The following CHST9 variants were observed in gnomAD, a reference collection of about 807,000 sequenced individuals.
CHST9 encodes the protein GalNAc-4-sulfotransferase 2.
Under a neutral mutation model 44.4 loss-of-function variants are expected in CHST9, and 41 were observed. The observed-to-expected ratio is 0.92, with a 90% confidence interval of 0.72 to 1.20. The LOEUF is 1.20. CHST9 is among the 50% of genes most tolerant of loss of function. CHST9 has a pLI of 0.00. For synonymous variants in CHST9, 171 were observed against 178.4 expected (o/e 0.96, Z 0.33); for missense variants, 504 against 516.5 (o/e 0.98, Z 0.23).
chr18:27,090,474 G>T (rs1051687764), intron 2 of CHST9, among the ~76,000 whole-genome samples: 13 of 152,176 alleles, frequency 8.5e-5, no homozygotes, highest in African/African-American at 2.9e-4. Context: ...GTCCATTTTG[G>T]CTTCTATTGC....
intron 2 of CHST9, among the ~76,000 whole-genome samples, chr18:27,141,085 A>G (rs2058560447): frequency 6.6e-6 from 1 of 152,106 alleles, no homozygotes; most frequent in Admixed American, 6.5e-5. Flanking sequence ...TGGGCGGGGC[A>G]CGGTGGCTCA....
intron 2 of CHST9, among the ~76,000 whole-genome samples, chr18:27,131,245 A>T (rs1242039074): frequency 2.0e-5 from 3 of 152,154 alleles, no homozygotes; most frequent in Non-Finnish European, 4.4e-5. Flanking sequence ...GACCCCAGAG[A>T]AACCTTCAAT....
At chr18:27,109,248 G>A (rs757398179) in intron 2 of CHST9, among the ~76,000 whole-genome samples, 6 of 152,180 alleles carry the variant, frequency 3.9e-5, no homozygotes, top group African/African-American at 7.2e-5. Flanking sequence ...GGGAGCTGGC[G>A]CATAAGTTAA....
At chr18:27,046,590 T>G (rs1348688910) in intron 3 of CHST9, among the ~76,000 whole-genome samples, 1 of 151,974 alleles carries the variant, frequency 6.6e-6, no homozygotes, top group African/African-American at 2.4e-5. Context: ...GTTCCCATGA[T>G]GTTTTTGGTA....
intron 2 of CHST9, among the ~76,000 whole-genome samples, chr18:27,063,898 C>T (rs1387853093): frequency 2.0e-5 from 3 of 151,820 alleles, no homozygotes; most frequent in African/African-American, 2.4e-5. Flanking sequence ...TGGGAGGCCA[C>T]GAGGGCTGTA....
rs148907943 is a variant in CHST9, at chr18:26,931,458, G to A, written c.240+12871C>T. Among the ~76,000 whole-genome samples the A allele has an allele frequency of 3.2e-3, 484 of 152,316 alleles. 3 individuals are homozygous for A. The highest frequency in any genetic ancestry group is 0.011 in the African/African-American group (468 of 41,564). On this transcript the variant is annotated intron_variant, in intron 5 of 5. Coordinates refer to ENST00000618847, the MANE Select transcript of CHST9 (RefSeq NM_031422.6). Reference sequence around the variant, plus strand: ...TAGCAAGTTGAAAGTGTATGGATTTGGGTACCATTCATCTGTAAAAACCAA... The same window carrying A: ...TAGCAAGTTGAAAGTGTATGGATTTAGGTACCATTCATCTGTAAAAACCAA...
intron 3 of CHST9, among the ~76,000 whole-genome samples, chr18:27,030,044 A>G (rs2057324521): frequency 6.6e-6 from 1 of 152,232 alleles, no homozygotes; most frequent in Admixed American, 6.5e-5. Context: ...TTAGGTATTA[A>G]TGATTTCAGT....
intron 4 of CHST9, among the ~76,000 whole-genome samples, chr18:26,995,303 T>C (rs953441913): frequency 5.0e-5 from 7 of 138,778 alleles, no homozygotes; most frequent in African/African-American, 1.9e-4. Flanking sequence ...CTGGGCGTGG[T>C]GGTGGGCGCC....
chr18:26,930,504 T>C (rs2055857728), intron 5 of CHST9, among the ~76,000 whole-genome samples: 1 of 152,210 alleles, frequency 6.6e-6, no homozygotes, highest in Non-Finnish European at 1.5e-5. Context: ...ATCATCTTTA[T>C]TTTTTAGAAT....
chr18:26,997,229 C>T (rs2056896969), intron 4 of CHST9, among the ~76,000 whole-genome samples: 1 of 152,200 alleles, frequency 6.6e-6, no homozygotes. Flanking sequence ...AAAGGTGGAA[C>T]AACTTTCTTA....
chr18:27,006,518 G>C (rs925526806), intron 4 of CHST9, among the ~76,000 whole-genome samples: 5 of 152,094 alleles, frequency 3.3e-5, no homozygotes, highest in African/African-American at 1.2e-4. Flanking sequence ...CCATTCACTT[G>C]ATTTCAAGTG....
chr18:26,928,068 G>A (rs2055806582), intron 5 of CHST9, among the ~76,000 whole-genome samples: 1 of 152,158 alleles, frequency 6.6e-6, no homozygotes, highest in Non-Finnish European at 1.5e-5. Context: ...ATTAAACGTT[G>A]AGTCGACACA....
chr18:27,020,245 G>A (rs2057208337), intron 4 of CHST9, among the ~76,000 whole-genome samples: 1 of 152,238 alleles, frequency 6.6e-6, no homozygotes, highest in South Asian at 2.1e-4. Flanking sequence ...ACTTCAGTGT[G>A]GTTCATGCTG....
rs71171604 is a variant in CHST9, at chr18:26,962,293, C to CTTT, written c.203-17930_203-17928dup. 2.0e-3 allele frequency among the ~76,000 whole-genome samples: 276 copies of CTTT among 140,724 alleles called. 5 individuals carry two copies. Among genetic ancestry groups the CTTT allele is most frequent in the East Asian group, 0.011 (52 of 4,746 alleles). The allele number at this position is 140,724 out of a possible 152,430, so 92.3% of individuals were successfully genotyped here. ...TACTCCTATCCCAAATTATAGTCTC[C>CTTT]TTTTTTTTTTTTTTTGAGACCAAGT... On this transcript the variant is annotated intron_variant, in intron 4 of 5. Transcript: ENST00000618847.
At chr18:27,001,998 T>G (rs897139897) in intron 4 of CHST9, among the ~76,000 whole-genome samples, 1 of 151,966 alleles carries the variant, frequency 6.6e-6, no homozygotes, top group Non-Finnish European at 1.5e-5. Context: ...ATGCTGCCCC[T>G]GCAGAAAGAC....
intron 4 of CHST9, among the ~76,000 whole-genome samples, chr18:26,963,626 A>C (rs2056428468): frequency 6.6e-6 from 1 of 152,114 alleles, no homozygotes; most frequent in South Asian, 2.1e-4. Context: ...AAATGAAAAC[A>C]TCTATTTCAA....
chr18:27,174,895 T>C (rs1289011252), intron 1 of CHST9, among the ~76,000 whole-genome samples: 1 of 152,032 alleles, frequency 6.6e-6, no homozygotes, highest in African/African-American at 2.4e-5. Context: ...TCATTTGTTT[T>C]TGAGCAATTC....
intron 2 of CHST9, among the ~76,000 whole-genome samples, chr18:27,104,526 G>T (rs2143760861): frequency 6.6e-6 from 1 of 152,328 alleles, no homozygotes; most frequent in East Asian, 1.9e-4. Context: ...AGACAAGTCA[G>T]CATATAAGAG....
Position 27,024,001 on chromosome 18 carries a change from A to C in CHST9, c.202+115T>G, listed in dbSNP as rs185197190. The C allele has an allele frequency of 7.1e-6, 7 of 981,094 alleles. No individual in the cohort carries two copies. The Admixed American group carries it at 1.6e-4, about 23-fold the overall frequency. 60.8% of individuals were successfully genotyped at this position (981,094 alleles called of 1,614,324 possible). A position where few individuals can be genotyped will look rare whatever the true frequency, so the allele number is the denominator to read the frequency against. Reference sequence around the variant, plus strand: ...TAGGCAGTGCTTCCTAGGGATGGCTATCATCAGCAGAACAGGTGCTTAAAA... The same window carrying C: ...TAGGCAGTGCTTCCTAGGGATGGCTCTCATCAGCAGAACAGGTGCTTAAAA... On this transcript the variant is annotated intron_variant, in intron 4 of 5. Coordinates refer to ENST00000618847, the MANE Select transcript of CHST9 (RefSeq NM_031422.6).
Sources: allele counts gnomAD v4.1 joint callset (sites outside exome capture counted in the v4.1 genomes callset), GRCh38; gene constraint gnomAD v4.1.1; transcripts MANE v1.5; gene names NCBI Gene and HGNC (gene_info 2026-07-23, HGNC 2026-07-21).